Variants in HDHD2 observed in about 807,000 individuals in gnomAD.
HDHD2 encodes the protein haloacid dehalogenase like hydrolase domain containing 2, also known as haloacid dehalogenase-like hydrolase domain-containing protein 2.
A neutral mutation model predicts 24.8 loss-of-function variants in HDHD2; 26 were observed. The ratio of observed to expected loss-of-function variants is 1.05; its 90% CI spans 0.77 to 1.45. The LOEUF (loss-of-function observed/expected upper bound fraction) is 1.45. Among genes scored for constraint, HDHD2 ranks in the 40% most tolerant of loss-of-function variants. The pLI is 0.00. For synonymous variants in HDHD2, 128 were observed against 114.9 expected, an observed-to-expected ratio of 1.11 and a Z score of -0.73; for missense variants, 299 against 313.4, an observed-to-expected ratio of 0.95 and a Z score of 0.35.
chr18:47,123,153 T>C (rs1337404446), intron 4 of HDHD2, among the ~76,000 whole-genome samples: 1 of 152,162 alleles, frequency 6.6e-6, no homozygotes, highest in Non-Finnish European at 1.5e-5. Flanking sequence ...ATATAGAAAA[T>C]GCAATCCAAA....
At position 47,133,169 on chromosome 18, in the gene HDHD2, C is replaced by T. The variant is rs567192157; in HGVS notation, c.310+1327G>A. On this transcript the variant is annotated intron_variant, in intron 3 of 6. Coordinates refer to ENST00000300605, the MANE Select transcript of HDHD2 (RefSeq NM_032124.5). Reference sequence around the variant, plus strand: ...ACTCCCCCCACCCCACAACAGGCCCCAGTGTGTGATGTTCCCCTTCCTGTG... The same window carrying T: ...ACTCCCCCCACCCCACAACAGGCCCTAGTGTGTGATGTTCCCCTTCCTGTG... Among the ~76,000 whole-genome samples, 546 of 150,632 alleles carry T rather than the reference C, an allele frequency of 3.6e-3. 2 individuals carry two copies. Among genetic ancestry groups the T allele is most frequent in the African/African-American group, 0.013 (506 of 40,264 alleles).
intron 1 of HDHD2, among the ~76,000 whole-genome samples, chr18:47,144,674 C>T (rs1489482990): frequency 6.6e-6 from 1 of 151,684 alleles, no homozygotes; most frequent in Non-Finnish European, 1.5e-5. Context: ...TAGCATGGGC[C>T]TGTAGTCCTA....
intron 1 of HDHD2, among the ~76,000 whole-genome samples, chr18:47,142,204 A>G (rs1290737100): frequency 6.6e-6 from 1 of 152,188 alleles, no homozygotes; most frequent in East Asian, 1.9e-4. Context: ...AAATCAAAAG[A>G]ATAATATTTT....
intron 4 of HDHD2, among the ~76,000 whole-genome samples, chr18:47,128,791 A>C (rs1356017553): frequency 6.6e-6 from 1 of 152,202 alleles, no homozygotes; most frequent in Non-Finnish European, 1.5e-5. Flanking sequence ...TCAAACTGCT[A>C]TTTCTGGCCA....
chr18:47,109,660 T>C (rs2063500108), intron 6 of HDHD2: 1 of 152,216 alleles, frequency 6.6e-6, no homozygotes, highest in African/African-American at 2.4e-5. Flanking sequence ...CCTACACACG[T>C]GCCATTCCCT....
chr18:47,149,827 G>A (rs1011575571), intron 1 of HDHD2, among the ~76,000 whole-genome samples: 22 of 152,130 alleles, frequency 1.4e-4, no homozygotes, highest in African/African-American at 4.8e-4. Context: ...AAACTGTTAA[G>A]CTCTGTGCAT....
chr18:47,119,790 A>G (rs1014278236), intron 4 of HDHD2, among the ~76,000 whole-genome samples: 32 of 151,056 alleles, frequency 2.1e-4, no homozygotes, highest in Admixed American at 1.9e-3. Context: ...TATGGCAGCT[A>G]TGGCCTTACA....
intron 6 of HDHD2, chr18:47,110,943 T>C (rs993571478): frequency 1.0e-6 from 1 of 985,144 alleles, no homozygotes; most frequent in East Asian, 1.1e-4. Context: ...TTGCTCGAGA[T>C]GATCCACAGA....
intron 4 of HDHD2, among the ~76,000 whole-genome samples, chr18:47,126,272 T>C (rs2063657221): frequency 6.6e-6 from 1 of 152,204 alleles, no homozygotes; most frequent in South Asian, 2.1e-4. Flanking sequence ...TCTAAGTACT[T>C]AGGAAATATT....
intron 1 of HDHD2, among the ~76,000 whole-genome samples, chr18:47,140,504 A>T (rs1420527999): frequency 1.3e-5 from 2 of 151,998 alleles, no homozygotes; most frequent in Non-Finnish European, 2.9e-5. Context: ...TTTTTGTCTT[A>T]TATCCTTTAA....
intron 6 of HDHD2, chr18:47,111,121 G>A: frequency 2.0e-6 from 2 of 985,184 alleles, no homozygotes; most frequent in South Asian, 4.7e-5. Flanking sequence ...AAAATCAATG[G>A]TACAAATATG....
chr18:47,137,760 G>A (rs2635050), intron 1 of HDHD2, among the ~76,000 whole-genome samples: 64,006 of 151,540 alleles, frequency 0.42, 13,934 homozygotes, highest in Middle Eastern at 0.55. Context: ...CTTTTTCTGC[G>A]TAGCTGTTAC....
At chr18:47,124,245 G>A (rs2063634851) in intron 4 of HDHD2, among the ~76,000 whole-genome samples, 1 of 152,162 alleles carries the variant, frequency 6.6e-6, no homozygotes, top group African/African-American at 2.4e-5. Flanking sequence ...TCACCTTGGG[G>A]TAAGCAAAGA....
At chr18:47,110,491 T>C (rs2063506855) in intron 6 of HDHD2, 1 of 984,976 alleles carries the variant, frequency 1.0e-6, no homozygotes. Context: ...ACCTACTTTC[T>C]GGATCCAGTG....
Position 47,141,105 on chromosome 18 carries a change from C to T in HDHD2, c.-10-4656G>A, listed in dbSNP as rs540829280. Among the ~76,000 whole-genome samples, 9 of 152,252 alleles carry T rather than the reference C, an allele frequency of 5.9e-5. No homozygotes were observed. The South Asian group carries it at 1.9e-3, about 32-fold the overall frequency. On this transcript the variant is annotated intron_variant, in intron 1 of 6. Transcript: ENST00000300605. ...TAAGTAAACTTACTGTAGAACTCTG[C>T]TGATATTTCAGCCATTTAAGAAAGT...
intron 3 of HDHD2, among the ~76,000 whole-genome samples, chr18:47,131,823 C>T (rs1001269445): frequency 1.3e-5 from 2 of 151,978 alleles, no homozygotes; most frequent in Admixed American, 1.3e-4. Context: ...TTCTTTTGTC[C>T]TTAGAATTTA....
intron 1 of HDHD2, among the ~76,000 whole-genome samples, chr18:47,145,465 C>T (rs371441314): frequency 6.6e-6 from 1 of 152,004 alleles, no homozygotes. Context: ...AGAAAAAGGT[C>T]CCAATATGTG....
intron 4 of HDHD2, among the ~76,000 whole-genome samples, chr18:47,124,000 A>C (rs1046849894): frequency 2.0e-5 from 3 of 152,268 alleles, no homozygotes; most frequent in African/African-American, 7.2e-5. Context: ...TATGAATGGC[A>C]AAAGTATAGA....
chr18:47,110,538 AG>A (rs1436510052), intron 6 of HDHD2: 22 of 985,264 alleles, frequency 2.2e-5, no homozygotes, highest in South Asian at 1.4e-4. Flanking sequence ...CTAGCCATGG[AG>A]TTAAAGGCTT....
Sources: allele counts gnomAD v4.1 joint callset (sites outside exome capture counted in the v4.1 genomes callset), GRCh38; gene constraint gnomAD v4.1.1; transcripts MANE v1.5; gene names NCBI Gene and HGNC (gene_info 2026-07-23, HGNC 2026-07-21).